Variants in SGCD observed in about 807,000 individuals in gnomAD.
SGCD encodes delta-sarcoglycan.
A neutral mutation model predicts 36.6 loss-of-function variants in SGCD; 18 were observed. The observed-to-expected ratio is 0.49, with a 90% CI of 0.34 to 0.73. The LOEUF is 0.73. SGCD is among the 30% of genes least tolerant of loss of function. SGCD has a pLI of 0.01. For synonymous variants in SGCD, 133 were observed against 130.6 expected (o/e 1.02, Z -0.12); for missense variants, 387 against 346.7 (o/e 1.12, Z -0.92).
At chr5:156,350,010 T>C (rs1769154824) in intron 3 of SGCD, among the ~76,000 whole-genome samples, 1 of 151,832 alleles carries the variant, frequency 6.6e-6, no homozygotes, top group African/African-American at 2.4e-5. Flanking sequence ...CATGTTCTTT[T>C]TGATAAGTGG....
intron 6 of SGCD, among the ~76,000 whole-genome samples, chr5:156,610,074 T>G (rs891449653): frequency 6.6e-6 from 1 of 152,238 alleles, no homozygotes; most frequent in Non-Finnish European, 1.5e-5. Flanking sequence ...CTAGCTTTGT[T>G]CCATTGCTGG....
intron 6 of SGCD, among the ~76,000 whole-genome samples, chr5:156,609,314 G>C (rs1761658732): frequency 2.0e-5 from 3 of 152,072 alleles, no homozygotes; most frequent in Non-Finnish European, 4.4e-5. Context: ...AGCTTAGTTT[G>C]GCTGGATATG....
chr5:155,934,476 T>C (rs948123145), intron 1 of SGCD, among the ~76,000 whole-genome samples: 2 of 152,194 alleles, frequency 1.3e-5, no homozygotes, highest in Non-Finnish European at 2.9e-5. Context: ...GAATAACTTA[T>C]GAAAAAGTTG....
At chr5:156,219,981 A>G (rs1345492109) in intron 3 of SGCD, among the ~76,000 whole-genome samples, 1 of 152,166 alleles carries the variant, frequency 6.6e-6, no homozygotes, top group Non-Finnish European at 1.5e-5. Context: ...TAAGGTTACA[A>G]TGTTTTAGGT....
intron 1 of SGCD, among the ~76,000 whole-genome samples, chr5:156,104,262 T>C (rs1196893699): frequency 6.6e-6 from 1 of 152,194 alleles, no homozygotes; most frequent in Non-Finnish European, 1.5e-5. Flanking sequence ...ATGGGAATTC[T>C]TTAGGTGTAA....
intron 3 of SGCD, among the ~76,000 whole-genome samples, chr5:156,288,822 A>T (rs1766684193): frequency 6.6e-6 from 1 of 152,100 alleles, no homozygotes; most frequent in South Asian, 2.1e-4. Context: ...AGTCCGTAGG[A>T]TCTAGACACT....
intron 4 of SGCD, among the ~76,000 whole-genome samples, chr5:156,543,043 G>A (rs1179979504): frequency 6.6e-6 from 1 of 152,168 alleles, no homozygotes; most frequent in Non-Finnish European, 1.5e-5. Flanking sequence ...AACCAAAGAA[G>A]ATCATGATTC....
chr5:156,125,960 C>T (rs980794376), intron 3 of SGCD, among the ~76,000 whole-genome samples: 1 of 151,284 alleles, frequency 6.6e-6, no homozygotes, highest in African/African-American at 2.4e-5. Flanking sequence ...TCACTGCAAC[C>T]TCCACCTCCC....
chr5:156,209,008 C>T (rs1016177796), intron 3 of SGCD, among the ~76,000 whole-genome samples: 3 of 152,154 alleles, frequency 2.0e-5, no homozygotes, highest in African/African-American at 7.2e-5. Context: ...GAGAGAGATA[C>T]CCTCCTCTTG....
intron 6 of SGCD, among the ~76,000 whole-genome samples, chr5:156,610,029 C>A (rs917907574): frequency 1.3e-5 from 2 of 152,184 alleles, no homozygotes; most frequent in Non-Finnish European, 2.9e-5. Flanking sequence ...TCATCTGAAG[C>A]CTTCTTCTCT....
chr5:156,744,884 G>A (rs570673895), intron 7 of SGCD, among the ~76,000 whole-genome samples: 2 of 152,044 alleles, frequency 1.3e-5, no homozygotes, highest in Non-Finnish European at 1.5e-5. Context: ...TGGAAACCTG[G>A]ACCTCCAGTG....
At position 156,079,018 on chromosome 5, in the gene SGCD, T is replaced by TAA. The variant is rs575699645; in HGVS notation, c.-281-38842_-281-38841dup. ...GAAATAGCTGAGACTGGGTAATTTG[T>TAA]AAAAAAAAAAAAAAAAAAAGAAAAG... On this transcript the variant is annotated intron_variant, in intron 1 of 9. Transcript: ENST00000517913. 5.1e-3 allele frequency among the ~76,000 whole-genome samples: 525 copies of TAA among 102,434 alleles called. 1 individual carries two copies. Among genetic ancestry groups the TAA allele is most frequent in the South Asian group, 0.012 (41 of 3,408 alleles). 67.2% of individuals were successfully genotyped at this position (102,434 alleles called of 152,430 possible). A position where few individuals can be genotyped will look rare whatever the true frequency, so the allele number is the denominator to read the frequency against.
the SGCD span, among the ~76,000 whole-genome samples, chr5:155,781,655 G>C: frequency 6.6e-6 from 1 of 151,916 alleles, no homozygotes; most frequent in South Asian, 2.1e-4. Context: ...ATTTTTTGTA[G>C]AGACGGGGTT....
intron 4 of SGCD, among the ~76,000 whole-genome samples, chr5:156,573,847 C>T (rs576240034): frequency 1.3e-5 from 2 of 152,160 alleles, no homozygotes; most frequent in East Asian, 3.9e-4. Flanking sequence ...GCACATGTCA[C>T]CATGCCCAGC....
At chr5:155,961,076 C>T (rs778572068) in intron 1 of SGCD, among the ~76,000 whole-genome samples, 30 of 152,004 alleles carry the variant, frequency 2.0e-4, no homozygotes, top group South Asian at 1.0e-3. Context: ...TTTTTTTTCT[C>T]TTGGTTTTCC....
intron 6 of SGCD, among the ~76,000 whole-genome samples, chr5:156,596,318 C>G (rs1050365044): frequency 2.6e-5 from 4 of 152,122 alleles, no homozygotes; most frequent in African/African-American, 9.7e-5. Flanking sequence ...CAATTTCTAT[C>G]CTTTGCTAGC....
chr5:155,765,080 A>G, the SGCD span, among the ~76,000 whole-genome samples: 3 of 151,920 alleles, frequency 2.0e-5, no homozygotes, highest in African/African-American at 7.3e-5. Flanking sequence ...GTAGCTCAAG[A>G]CCAGCCTGGG....
chr5:156,345,797 T>C (rs1486019278), intron 3 of SGCD, among the ~76,000 whole-genome samples: 2 of 152,138 alleles, frequency 1.3e-5, no homozygotes, highest in Non-Finnish European at 2.9e-5. Flanking sequence ...CATGTGACAA[T>C]CCCAAATATC....
In SGCD at chr5:156,125,596, G is replaced by T. The variant is rs1762151705; in HGVS notation, c.-44+1577G>T. 7.2e-5 allele frequency among the ~76,000 whole-genome samples: 11 copies of T among 152,064 alleles called. No individual in the cohort carries two copies. The South Asian group carries it at 2.3e-3, about 32-fold the overall frequency. On this transcript the variant is annotated intron_variant, in intron 3 of 9. Coordinates refer to the SGCD transcript ENST00000517913. Reference sequence around the variant, plus strand: ...CTCCTTCTCTAGTCAGAATAACTTTGTCTTTTTTTTACAAAGTAGATTAAT... The same window carrying T: ...CTCCTTCTCTAGTCAGAATAACTTTTTCTTTTTTTTACAAAGTAGATTAAT...
Sources: gnomAD v4.1 joint callset for allele counts (sites outside exome capture counted in the v4.1 genomes callset) on GRCh38, gnomAD v4.1.1 for gene constraint, MANE v1.5 for transcripts, NCBI Gene and HGNC (gene_info 2026-07-23, HGNC 2026-07-21) for gene names.